Variants in PIP5K1B observed in about 807,000 individuals in gnomAD.
The protein encoded by PIP5K1B is phosphatidylinositol 4-phosphate 5-kinase type-1 beta.
A neutral mutation model predicts 67.0 loss-of-function variants in PIP5K1B; 42 were observed. The observed-to-expected ratio is 0.63, with a 90% CI of 0.49 to 0.81. The LOEUF (loss-of-function observed/expected upper bound fraction) is 0.81, where lower values mean the gene tolerates loss of function less well. Among genes scored for constraint, PIP5K1B ranks in the 30% least tolerant of loss-of-function variants. PIP5K1B has a pLI of 0.00. For missense variants in PIP5K1B, 459 were observed against 646.3 expected (o/e 0.71, Z 3.14); for synonymous variants, 214 against 231.4 (o/e 0.92, Z 0.68).
Position 68,894,506 on chromosome 9 carries a change from A to G in PIP5K1B, c.639A>G (p.Ala213=). ...DLKGSTYKRR[A]SRKEREKSNP... is the part of the protein sequence containing the mutation. ...AAGGCTCAACGTATAAGCGAAGAGC[A>G]TCCCGTAAAGAGAGAGAGAAATCCA... The change falls in exon 8 of 16, where the codon GCA becomes GCG. Residue 213 remains alanine, a synonymous_variant. Transcript: ENST00000265382. The G allele has an allele frequency of 6.2e-7, 1 of 1,614,188 alleles. No individual in the cohort carries two copies. The highest frequency in any genetic ancestry group is 1.3e-5 in the African/African-American group (1 of 75,058).
intron 2 of PIP5K1B, among the ~76,000 whole-genome samples, chr9:68,748,204 GA>G (rs1829421799): frequency 6.6e-6 from 1 of 152,198 alleles, no homozygotes; most frequent in African/African-American, 2.4e-5. Flanking sequence ...TCCACGTTGT[GA>G]CTTGAGTCAG....
At chr9:68,749,357 C>T (rs550799003) in intron 2 of PIP5K1B, among the ~76,000 whole-genome samples, 8 of 152,130 alleles carry the variant, frequency 5.3e-5, no homozygotes, top group Non-Finnish European at 1.2e-4. Context: ...ATTCTGGCAG[C>T]CACCAGGAAC....
chr9:68,708,314 G>C (rs1393950610), intron 1 of PIP5K1B, among the ~76,000 whole-genome samples: 2 of 152,138 alleles, frequency 1.3e-5, no homozygotes, highest in African/African-American at 4.8e-5. Flanking sequence ...TGAAGGGGGT[G>C]AATGAAGTCA....
chr9:68,801,053 C>T (rs1390215053), intron 2 of PIP5K1B, among the ~76,000 whole-genome samples: 1 of 152,244 alleles, frequency 6.6e-6, no homozygotes, highest in Non-Finnish European at 1.5e-5. Flanking sequence ...GCACCTGCTA[C>T]TACCACACAG....
intron 15 of PIP5K1B, among the ~76,000 whole-genome samples, chr9:69,008,117 TA>T (rs1831171943): frequency 6.6e-6 from 1 of 152,228 alleles, no homozygotes; most frequent in Admixed American, 6.5e-5. Flanking sequence ...GCTTCAGATC[TA>T]ATATACCACA....
chr9:68,783,009 C>G (rs1048354745), intron 2 of PIP5K1B: 1 of 167,064 alleles, frequency 6.0e-6, no homozygotes, highest in Non-Finnish European at 1.5e-5. Flanking sequence ...TATCTGTTGC[C>G]CCTGATTTTG....
At chr9:68,850,344 A>G (rs763020910) in intron 4 of PIP5K1B, among the ~76,000 whole-genome samples, 12 of 152,192 alleles carry the variant, frequency 7.9e-5, no homozygotes, top group Non-Finnish European at 1.6e-4. Flanking sequence ...ACTATATCAC[A>G]AGGTTTCCGA....
At chr9:68,709,038 A>G (rs771240166) in intron 1 of PIP5K1B, among the ~76,000 whole-genome samples, 6 of 152,220 alleles carry the variant, frequency 3.9e-5, no homozygotes, top group Non-Finnish European at 8.8e-5. Flanking sequence ...TGGAATTCTT[A>G]AGAAGGTTCA....
At chr9:68,800,053 C>A (rs1055379169) in intron 2 of PIP5K1B, among the ~76,000 whole-genome samples, 1 of 152,084 alleles carries the variant, frequency 6.6e-6, no homozygotes, top group Admixed American at 6.5e-5. Flanking sequence ...AAATAAGGAG[C>A]CTGATTGAAA....
rs2133062523 is a variant in PIP5K1B at position 69,008,446 on chromosome 9, G to C, written c.1621-1G>C. ...CACACCTGCTTTTTTGCTCCCCCCA[G>C]TAAGTGAAAATGGTGATCACCTAAG... On this transcript the variant is annotated splice_acceptor_variant, in intron 15 of 15. Transcript: ENST00000265382. LOFTEE classifies it high-confidence loss of function. 6.2e-7 allele frequency: 1 copy of C among 1,613,890 alleles called. No individual in the cohort carries two copies. The highest frequency in any genetic ancestry group is 1.3e-5 in the African/African-American group (1 of 75,034).
chr9:68,920,809 C>CACACACACACAA (rs1564235144), intron 11 of PIP5K1B, among the ~76,000 whole-genome samples: 1 of 151,292 alleles, frequency 6.6e-6, no homozygotes, highest in African/African-American at 2.4e-5. Context: ...CACATACACA[C>CACACACACACAA]ACACACACAC....
intron 1 of PIP5K1B, among the ~76,000 whole-genome samples, chr9:68,712,838 C>T (rs1262425066): frequency 6.6e-6 from 1 of 152,224 alleles, no homozygotes; most frequent in Non-Finnish European, 1.5e-5. Context: ...AGGAAATTAT[C>T]AAGCACAAAA....
At chr9:68,995,543 T>C (rs1180433017) in intron 15 of PIP5K1B, among the ~76,000 whole-genome samples, 3 of 152,206 alleles carry the variant, frequency 2.0e-5, no homozygotes, top group East Asian at 1.9e-4. Context: ...CAGTGGCTCA[T>C]GCCTGTAATC....
chr9:68,781,656 C>A (rs1021503028), intron 2 of PIP5K1B: 1 of 166,514 alleles, frequency 6.0e-6, no homozygotes, highest in African/African-American at 2.4e-5. Context: ...TAAAAGTAAA[C>A]TTTTAAGAAA....
chr9:68,815,982 A>G (rs1032001931), intron 2 of PIP5K1B, among the ~76,000 whole-genome samples: 4 of 152,230 alleles, frequency 2.6e-5, no homozygotes, highest in Non-Finnish European at 5.9e-5. Flanking sequence ...TTGAAGAAGT[A>G]GAGAGCTATA....
At chr9:68,746,174 G>GT (rs1829298054) in intron 2 of PIP5K1B, among the ~76,000 whole-genome samples, 2 of 150,300 alleles carry the variant, frequency 1.3e-5, no homozygotes, top group Non-Finnish European at 3.0e-5. Flanking sequence ...CACCTCCCGG[G>GT]TTCATGCTAC....
chr9:68,737,323 T>C (rs761227797), intron 1 of PIP5K1B, among the ~76,000 whole-genome samples: 5 of 152,156 alleles, frequency 3.3e-5, no homozygotes, highest in Non-Finnish European at 7.4e-5. Flanking sequence ...TTGAGAATAG[T>C]GTTATGTTTA....
intron 15 of PIP5K1B, among the ~76,000 whole-genome samples, chr9:69,005,061 A>G (rs1410786902): frequency 6.6e-6 from 1 of 151,726 alleles, no homozygotes; most frequent in Non-Finnish European, 1.5e-5. Flanking sequence ...TTGAGCCCTG[A>G]GGGTGAGAGT....
At chr9:68,800,986 G>T (rs777194698) in intron 2 of PIP5K1B, among the ~76,000 whole-genome samples, 5 of 152,148 alleles carry the variant, frequency 3.3e-5, no homozygotes, top group Non-Finnish European at 7.3e-5. Context: ...GAAAAGTGTC[G>T]ATCCAAGTTG....
Sources: allele counts gnomAD v4.1 joint callset (sites outside exome capture counted in the v4.1 genomes callset), GRCh38; gene constraint gnomAD v4.1.1; transcripts MANE v1.5; gene names NCBI Gene and HGNC (gene_info 2026-07-23, HGNC 2026-07-21).